DCC: variants seen among roughly 807,000 people sequenced by gnomAD.
DCC encodes the protein DCC netrin 1 receptor, also known as netrin receptor DCC.
Under a neutral mutation model 172.5 loss-of-function variants are expected in DCC, and 58 were observed. The ratio of observed to expected loss-of-function variants is 0.34; its 90% CI spans 0.27 to 0.42. The LOEUF is 0.42. DCC is among the 10% of genes least tolerant of loss of function. The pLI, the probability that DCC is intolerant of heterozygous loss-of-function variation, is 1.00. For missense variants in DCC, 1,740 were observed against 1,791.0 expected, an observed-to-expected ratio of 0.97 and a Z score of 0.51; for synonymous variants, 709 against 644.5, an observed-to-expected ratio of 1.10 and a Z score of -1.52.
chr18:52,623,691 C>T (rs1390882220), intron 1 of DCC, among the ~76,000 whole-genome samples: 1 of 151,876 alleles, frequency 6.6e-6, no homozygotes, highest in Non-Finnish European at 1.5e-5. Flanking sequence ...AAGGATAATA[C>T]CTTGTGTAGC....
At chr18:52,871,555 C>T (rs1362369884) in intron 2 of DCC, among the ~76,000 whole-genome samples, 1 of 152,250 alleles carries the variant, frequency 6.6e-6, no homozygotes, top group Admixed American at 6.5e-5. Context: ...CCTTGAATTC[C>T]TAGGCTCAAG....
intron 1 of DCC, among the ~76,000 whole-genome samples, chr18:52,642,922 G>A (rs2034938392): frequency 6.6e-6 from 1 of 152,158 alleles, no homozygotes; most frequent in Admixed American, 6.5e-5. Flanking sequence ...CAAAGTGCTG[G>A]GATTACAGGC....
chr18:52,888,401 T>A (rs1340863455), intron 2 of DCC, among the ~76,000 whole-genome samples: 3 of 152,186 alleles, frequency 2.0e-5, no homozygotes, highest in African/African-American at 7.2e-5. Context: ...AAATTAGCAG[T>A]TCAGCTTGGT....
At chr18:53,131,915 A>G (rs1205759676) in intron 7 of DCC, among the ~76,000 whole-genome samples, 2 of 146,698 alleles carry the variant, frequency 1.4e-5, no homozygotes, top group Non-Finnish European at 3.0e-5. Context: ...ACAGCCTATA[A>G]TGGCACTTGG....
chr18:53,101,125 G>A (rs1014924489), intron 7 of DCC, among the ~76,000 whole-genome samples: 9 of 152,014 alleles, frequency 5.9e-5, no homozygotes, highest in African/African-American at 1.9e-4. Context: ...AATCGAATAG[G>A]AAATAATTAT....
intron 1 of DCC, among the ~76,000 whole-genome samples, chr18:52,390,781 A>G (rs760646091): frequency 1.3e-5 from 2 of 152,052 alleles, no homozygotes; most frequent in Non-Finnish European, 1.5e-5. Context: ...AATATTAGTT[A>G]TTCCTCATAT....
intron 13 of DCC, among the ~76,000 whole-genome samples, chr18:53,312,886 G>GA (rs1477586540): frequency 2.8e-4 from 33 of 118,430 alleles, no homozygotes; most frequent in Non-Finnish European, 9.1e-5. Flanking sequence ...GAGAGGAAGG[G>GA]AAAGGGAGGG....
chr18:52,514,100 G>A (rs1387251018), intron 1 of DCC, among the ~76,000 whole-genome samples: 1 of 151,600 alleles, frequency 6.6e-6, no homozygotes, highest in Admixed American at 6.6e-5. Context: ...GACAATATAG[G>A]GTAATCATTT....
At chr18:52,432,583 G>T (rs1987661352) in intron 1 of DCC, among the ~76,000 whole-genome samples, 1 of 152,084 alleles carries the variant, frequency 6.6e-6, no homozygotes, top group Non-Finnish European at 1.5e-5. Flanking sequence ...CATTTATGAG[G>T]TCTTAGGCAG....
intron 1 of DCC, among the ~76,000 whole-genome samples, chr18:52,682,715 G>A (rs1417615592): frequency 2.8e-5 from 4 of 140,422 alleles, no homozygotes; most frequent in Non-Finnish European, 4.7e-5. Flanking sequence ...AGTGATAAAT[G>A]TAGTGAAGAA....
intron 7 of DCC, among the ~76,000 whole-genome samples, chr18:53,149,411 G>T (rs902742593): frequency 4.6e-5 from 7 of 152,142 alleles, no homozygotes; most frequent in Non-Finnish European, 5.9e-5. Context: ...GGCCCAGAGA[G>T]GCTAAATACC....
intron 1 of DCC, among the ~76,000 whole-genome samples, chr18:52,610,593 T>G (rs1030433378): frequency 6.6e-6 from 1 of 151,668 alleles, no homozygotes; most frequent in Non-Finnish European, 1.5e-5. Flanking sequence ...TCGTTGAAAT[T>G]GACATGGACC....
At chr18:53,126,262 G>T (rs1048230384) in intron 7 of DCC, among the ~76,000 whole-genome samples, 3 of 152,014 alleles carry the variant, frequency 2.0e-5, no homozygotes, top group Admixed American at 1.3e-4. Context: ...CATTTCTTTG[G>T]CTTTCACCCC....
intron 2 of DCC, among the ~76,000 whole-genome samples, chr18:52,840,284 C>T (rs2038781741): frequency 6.6e-6 from 1 of 152,160 alleles, no homozygotes; most frequent in African/African-American, 2.4e-5. Flanking sequence ...GTTATCTGAA[C>T]AAACATTTTA....
intron 5 of DCC, among the ~76,000 whole-genome samples, 169 bp from the exon 6 acceptor site, chr18:53,063,136 A>G (rs181437002): frequency 6.6e-6 from 1 of 152,194 alleles, no homozygotes; most frequent in East Asian, 1.9e-4. Context: ...GGGGAACAAA[A>G]GATTTGTTTT....
At chr18:52,626,094 A>G (rs1403342414) in intron 1 of DCC, among the ~76,000 whole-genome samples, 1 of 152,176 alleles carries the variant, frequency 6.6e-6, no homozygotes, top group East Asian at 1.9e-4. Context: ...AATGACAACC[A>G]GCATGTTTCT....
At position 52,340,728 on chromosome 18, in the gene DCC, G is replaced by T; in HGVS notation, c.-60G>T. ...TGCATGTGTGCATGCGTGTGTGAGT[G>T]CATGTGTGTGAGTGCTGCCGCTGCC... is the stretch of plus-strand genomic sequence containing the variant. On this transcript the variant is annotated 5_prime_UTR_variant, in exon 1 of 29. Coordinates refer to ENST00000442544, the MANE Select transcript of DCC (RefSeq NM_005215.4). 2 of 1,181,256 alleles carry T rather than the reference G, an allele frequency of 1.7e-6. No homozygotes were observed. Among genetic ancestry groups the T allele is most frequent in the Non-Finnish European group, 2.5e-6 (2 of 785,584 alleles). 73.2% of individuals were successfully genotyped at this position (1,181,256 alleles called of 1,614,324 possible).
intron 14 of DCC, among the ~76,000 whole-genome samples, chr18:53,333,991 A>G (rs2057563131): frequency 1.3e-5 from 2 of 152,118 alleles, no homozygotes; most frequent in African/African-American, 4.8e-5. Context: ...CAGTTCATCA[A>G]CCAACAGTTA....
intron 26 of DCC, among the ~76,000 whole-genome samples, chr18:53,496,740 GT>G (rs1166756926): frequency 1.3e-5 from 2 of 152,186 alleles, no homozygotes; most frequent in African/African-American, 2.4e-5. Context: ...TTGAGAAAAG[GT>G]TAGATGAATT....
Sources: gnomAD v4.1 joint callset for allele counts (sites outside exome capture counted in the v4.1 genomes callset) on GRCh38, gnomAD v4.1.1 for gene constraint, MANE v1.5 for transcripts, NCBI Gene and HGNC (gene_info 2026-07-23, HGNC 2026-07-21) for gene names.